Variants in DMD observed in about 807,000 individuals in gnomAD.
The protein encoded by DMD is mutant dystrophin.
A neutral mutation model predicts 330.1 loss-of-function variants in DMD; 63 were observed. The ratio of observed to expected loss-of-function variants is 0.19; its 90% CI spans 0.16 to 0.24. The LOEUF is 0.24. Ranked by LOEUF, DMD falls within the 10% of genes least tolerant of loss-of-function variation. DMD has a pLI of 1.00. For synonymous variants in DMD, 1,223 were observed against 959.8 expected (o/e 1.27, Z -5.07); for missense variants, 3,344 against 2,684.1 (o/e 1.25, Z -5.43).
At chrX:31,138,600 C>A (rs2035553869) in intron 76 of DMD, among the ~76,000 whole-genome samples, 1 of 97,614 alleles carries the variant, frequency 1.0e-5, no homozygotes, top group Non-Finnish European at 2.0e-5. Flanking sequence ...AAAGGGGAAG[C>A]AAGGCACCTC....
At chrX:33,157,712 T>G (rs956357799) in intron 1 of DMD, among the ~76,000 whole-genome samples, 1 of 111,975 alleles carries the variant, frequency 8.9e-6, no homozygotes, top group Admixed American at 9.5e-5. Flanking sequence ...TCCCAGCACT[T>G]TGGGAGGCTG....
rs200584364 is a variant in DMD at position 33,148,518 on chromosome X, TAA to T, written c.31+62762_31+62763del. Reference sequence around the variant, plus strand: ...AATAAAAGAAGGGATGGCTTTTATCTAAAAGTTAGAGAACGAACAAGAATGTT... The same window carrying T: ...AATAAAAGAAGGGATGGCTTTTATCTAAGTTAGAGAACGAACAAGAATGTT... On this transcript the variant is annotated intron_variant, in intron 1 of 78. Transcript: ENST00000357033. Among the ~76,000 whole-genome samples, 493 of 112,177 alleles carry T rather than the reference TAA, an allele frequency of 4.4e-3. 2 individuals carry two copies. Among genetic ancestry groups the T allele is most frequent in the Admixed American group, 0.011 (112 of 10,509 alleles).
rs1374320868 is a variant in DMD at position 31,119,703 on chromosome X, AG to A, written c.*2215del. On this transcript the variant is annotated 3_prime_UTR_variant, in exon 79 of 79. Transcript: ENST00000357033. ...TGAAACTTACTTACTTAAACTTCTT[AG>A]TAGGATGTAAAGTAACCCCTTGTTT... 1 of 112,142 alleles carries A rather than the reference AG, an allele frequency of 8.9e-6. No homozygotes were observed. Among genetic ancestry groups the A allele is most frequent in the Non-Finnish European group, 1.9e-5 (1 of 53,099 alleles). The allele number at this position is 112,142 out of a possible 1,213,427, so 9.2% of individuals were successfully genotyped here.
At chrX:32,048,934 G>A in intron 44 of DMD, among the ~76,000 whole-genome samples, 1 of 111,604 alleles carries the variant, frequency 9.0e-6, no homozygotes, top group Non-Finnish European at 1.9e-5. Context: ...AGACATTTTA[G>A]AAGAAGTACC....
chrX:32,767,346 T>C (rs1007199630), intron 7 of DMD, among the ~76,000 whole-genome samples: 1 of 111,079 alleles, frequency 9.0e-6, no homozygotes, highest in African/African-American at 3.3e-5. Flanking sequence ...CCATCTCCAT[T>C]TATGAATTAT....
chrX:31,450,003 G>A (rs2065607596), intron 59 of DMD, among the ~76,000 whole-genome samples: 1 of 108,849 alleles, frequency 9.2e-6, no homozygotes, highest in African/African-American at 3.3e-5. Context: ...CTACATACAC[G>A]TGCAGAGAAA....
At chrX:32,432,954 T>G (rs1318493343) in intron 29 of DMD, among the ~76,000 whole-genome samples, 1 of 112,067 alleles carries the variant, frequency 8.9e-6, no homozygotes, top group Non-Finnish European at 1.9e-5. Flanking sequence ...TCCCTTTCAG[T>G]AAATTTGCTA....
intron 77 of DMD, among the ~76,000 whole-genome samples, chrX:31,128,941 GATAA>G (rs925345208): frequency 1.2e-4 from 13 of 112,102 alleles, no homozygotes; most frequent in African/African-American, 2.9e-4. Flanking sequence ...GTTCTTGACC[GATAA>G]ATAAAGTTTC....
intron 2 of DMD, among the ~76,000 whole-genome samples, chrX:33,004,489 C>G (rs1340458564): frequency 1.8e-5 from 2 of 111,523 alleles, no homozygotes; most frequent in Non-Finnish European, 3.8e-5. Flanking sequence ...CACATTTTAA[C>G]AAATTGTTAG....
At chrX:32,604,223 A>G (rs1260225671) in intron 12 of DMD, among the ~76,000 whole-genome samples, 1 of 110,404 alleles carries the variant, frequency 9.1e-6, no homozygotes, top group East Asian at 2.9e-4. Flanking sequence ...ACATAACACA[A>G]TATATGTTTT....
chrX:32,694,556 T>G (rs115469017), intron 9 of DMD, among the ~76,000 whole-genome samples: 1,892 of 112,207 alleles, frequency 0.017, 45 homozygotes, highest in African/African-American at 0.058. Context: ...TGATGAAATA[T>G]TGGCCTCCAA....
intron 45 of DMD, among the ~76,000 whole-genome samples, chrX:31,932,579 A>C (rs151198366): frequency 0.06 from 6,640 of 110,739 alleles, 473 homozygotes; most frequent in African/African-American, 0.2. Context: ...AACCCCGTCT[A>C]CACTAAAAAT....
At chrX:32,608,984 A>T (rs2056952456) in intron 12 of DMD, among the ~76,000 whole-genome samples, 1 of 110,945 alleles carries the variant, frequency 9.0e-6, no homozygotes, top group Non-Finnish European at 1.9e-5. Context: ...GGCACTGTCA[A>T]ACTTAACTGA....
intron 60 of DMD, among the ~76,000 whole-genome samples, chrX:31,413,519 T>C (rs1207191708): frequency 8.9e-6 from 1 of 111,949 alleles, no homozygotes; most frequent in Non-Finnish European, 1.9e-5. Context: ...AAGTGCACAA[T>C]GTATATGCTT....
intron 30 of DMD, among the ~76,000 whole-genome samples, chrX:32,397,371 G>A (rs1033852266): frequency 8.9e-6 from 1 of 111,736 alleles, no homozygotes; most frequent in Admixed American, 9.5e-5. Context: ...AGAGGACATA[G>A]CAAATCACGG....
At chrX:31,559,662 A>AAAAG (rs2075081843) in intron 55 of DMD, among the ~76,000 whole-genome samples, 2 of 103,079 alleles carry the variant, frequency 1.9e-5, no homozygotes, top group Admixed American at 2.1e-4. Context: ...AAAAAAAAAA[A>AAAAG]AAAGACTTCT....
At chrX:31,309,445 C>A (rs2148160262) in intron 62 of DMD, among the ~76,000 whole-genome samples, 1 of 112,123 alleles carries the variant, frequency 8.9e-6, no homozygotes, top group South Asian at 3.7e-4. Context: ...TTGTGATTTC[C>A]TAAAACTTGG....
intron 52 of DMD, among the ~76,000 whole-genome samples, chrX:31,718,443 C>T (rs62589486): frequency 0.14 from 15,248 of 110,633 alleles, 896 homozygotes; most frequent in Admixed American, 0.31. Flanking sequence ...GGACTGAATG[C>T]TGGCATCCCC....
chrX:32,600,349 A>G (rs1480314064), intron 12 of DMD, among the ~76,000 whole-genome samples: 5 of 111,666 alleles, frequency 4.5e-5, no homozygotes, highest in African/African-American at 6.5e-5. Flanking sequence ...GCAATAATTA[A>G]TCGAAAGGCA....
Sources: gnomAD v4.1 joint callset for allele counts (sites outside exome capture counted in the v4.1 genomes callset) on GRCh38, gnomAD v4.1.1 for gene constraint, MANE v1.5 for transcripts, NCBI Gene and HGNC (gene_info 2026-07-23, HGNC 2026-07-21) for gene names.